Variants in GRM7 observed in about 807,000 individuals in gnomAD.
GRM7 encodes the protein glutamate metabotropic receptor 7.
A neutral mutation model predicts 84.5 loss-of-function variants in GRM7; 35 were observed. The ratio of observed to expected loss-of-function variants is 0.41; its 90% CI spans 0.32 to 0.55. GRM7 has a LOEUF of 0.55. Among genes scored for constraint, GRM7 ranks in the 20% least tolerant of loss-of-function variants. The probability of loss-of-function intolerance (pLI) is 0.19; values close to 1 mark genes in which losing one functional copy is unlikely to be tolerated. For missense variants in GRM7, 1,003 were observed against 1,194.6 expected (o/e 0.84, Z 2.36); for synonymous variants, 487 against 455.1 (o/e 1.07, Z -0.89).
At chr3:6,992,812 C>G (rs1316083746) in intron 1 of GRM7, among the ~76,000 whole-genome samples, 1 of 152,188 alleles carries the variant, frequency 6.6e-6, no homozygotes, top group East Asian at 1.9e-4. Flanking sequence ...TGATGTCTTA[C>G]TGCTAGGTCC....
At chr3:7,099,752 CACAT>C (rs1699033524) in intron 1 of GRM7, among the ~76,000 whole-genome samples, 1 of 74,786 alleles carries the variant, frequency 1.3e-5, no homozygotes, top group Non-Finnish European at 2.2e-5. Context: ...TATACATGTG[CACAT>C]ACATGTATAT....
At chr3:6,953,341 G>C (rs1692871980) in intron 1 of GRM7, among the ~76,000 whole-genome samples, 1 of 152,200 alleles carries the variant, frequency 6.6e-6, no homozygotes, top group Non-Finnish European at 1.5e-5. Context: ...GCAAGATCTA[G>C]ATGCAGGAGG....
At chr3:7,279,729 A>G (rs892101720) in intron 2 of GRM7, among the ~76,000 whole-genome samples, 10 of 152,160 alleles carry the variant, frequency 6.6e-5, no homozygotes, top group Admixed American at 4.6e-4. Flanking sequence ...CTCTGTTTCT[A>G]TGCATTACAT....
At chr3:7,720,031 A>G (rs1357415221) in intron 9 of GRM7, among the ~76,000 whole-genome samples, 5 of 152,186 alleles carry the variant, frequency 3.3e-5, no homozygotes, top group African/African-American at 1.2e-4. Flanking sequence ...GTATATTCTT[A>G]AATGTCCAGC....
intron 8 of GRM7, among the ~76,000 whole-genome samples, chr3:7,642,169 G>A (rs1230548312): frequency 2.0e-5 from 3 of 152,082 alleles, no homozygotes; most frequent in African/African-American, 7.2e-5. Flanking sequence ...CTTCGTAAAT[G>A]TACATTTTTG....
intron 2 of GRM7, among the ~76,000 whole-genome samples, chr3:7,285,131 A>T (rs1290767112): frequency 6.6e-6 from 1 of 152,206 alleles, no homozygotes; most frequent in Non-Finnish European, 1.5e-5. Flanking sequence ...AACAGAGTTC[A>T]GTAGCTGTGA....
At chr3:7,371,607 C>T (rs1162692665) in intron 4 of GRM7, among the ~76,000 whole-genome samples, 2 of 152,072 alleles carry the variant, frequency 1.3e-5, no homozygotes, top group Non-Finnish European at 2.9e-5. Context: ...TAATTTAATT[C>T]TGAGCAATGC....
intron 8 of GRM7, among the ~76,000 whole-genome samples, chr3:7,631,318 A>G (rs977458953): frequency 6.6e-6 from 1 of 152,312 alleles, no homozygotes; most frequent in Non-Finnish European, 1.5e-5. Flanking sequence ...GGGTAGAAGT[A>G]GCCCGGCAGT....
At chr3:7,230,968 A>G (rs1383187378) in intron 2 of GRM7, among the ~76,000 whole-genome samples, 1 of 152,188 alleles carries the variant, frequency 6.6e-6, no homozygotes, top group Non-Finnish European at 1.5e-5. Flanking sequence ...ATACTCACCC[A>G]TCCAGCCACT....
chr3:7,651,306 C>T (rs1338001921), intron 8 of GRM7, among the ~76,000 whole-genome samples: 1 of 152,148 alleles, frequency 6.6e-6, no homozygotes, highest in East Asian at 1.9e-4. Context: ...CTTTTACTTC[C>T]AAATGCATCC....
At chr3:7,209,415 A>G (rs995597583) in intron 2 of GRM7, among the ~76,000 whole-genome samples, 5 of 152,216 alleles carry the variant, frequency 3.3e-5, no homozygotes, top group Non-Finnish European at 5.9e-5. Flanking sequence ...TGGATAGATA[A>G]ATGAATAAGG....
chr3:7,572,859 T>TATATAA (rs1694762490), intron 7 of GRM7, among the ~76,000 whole-genome samples: 1 of 42,834 alleles, frequency 2.3e-5, no homozygotes, highest in Non-Finnish European at 4.9e-5. Context: ...TATATATATA[T>TATATAA]ATATATATAT....
intron 7 of GRM7, among the ~76,000 whole-genome samples, chr3:7,562,436 T>TAC (rs1167557779): frequency 1.1e-4 from 16 of 152,078 alleles, no homozygotes; most frequent in Non-Finnish European, 4.4e-5. Context: ...TATTTGGTTT[T>TAC]TCTGTAACTC....
At chr3:7,446,820 T>C (rs1343239894) in intron 5 of GRM7, among the ~76,000 whole-genome samples, 3 of 152,170 alleles carry the variant, frequency 2.0e-5, no homozygotes, top group Non-Finnish European at 2.9e-5. Context: ...CCATATCTTT[T>C]TTATCCTAAT....
At chr3:7,317,898 C>G (rs542145667) in intron 4 of GRM7, among the ~76,000 whole-genome samples, 125 of 151,824 alleles carry the variant, frequency 8.2e-4, no homozygotes, top group Non-Finnish European at 1.2e-3. Flanking sequence ...GATTAAACAA[C>G]AAATTTAAGA....
intron 4 of GRM7, among the ~76,000 whole-genome samples, chr3:7,338,289 A>G (rs1701503033): frequency 6.6e-6 from 1 of 151,930 alleles, no homozygotes; most frequent in Non-Finnish European, 1.5e-5. Flanking sequence ...AGAGGGAGCT[A>G]AGTTATGAGG....
intron 2 of GRM7, among the ~76,000 whole-genome samples, chr3:7,272,763 T>C (rs922052728): frequency 1.3e-5 from 2 of 152,016 alleles, no homozygotes; most frequent in Non-Finnish European, 2.9e-5. Flanking sequence ...CAGTTAGAGG[T>C]TAATTAATTT....
intron 3 of GRM7, among the ~76,000 whole-genome samples, chr3:7,300,879 C>A (rs1699975535): frequency 1.3e-5 from 2 of 152,268 alleles, no homozygotes; most frequent in South Asian, 2.1e-4. Context: ...AATGATGCTT[C>A]TTTCGACTTG....
At chr3:7,197,470 A>G (rs1046681902) in intron 2 of GRM7, among the ~76,000 whole-genome samples, 2 of 152,142 alleles carry the variant, frequency 1.3e-5, no homozygotes, top group Non-Finnish European at 2.9e-5. Context: ...TGGTTTCCCC[A>G]AAGCTGTGAT....
Sources: gnomAD v4.1 joint callset for allele counts (sites outside exome capture counted in the v4.1 genomes callset) on GRCh38, gnomAD v4.1.1 for gene constraint, MANE v1.5 for transcripts, NCBI Gene and HGNC (gene_info 2026-07-23, HGNC 2026-07-21) for gene names.